TRIM8: variants seen among roughly 807,000 people sequenced by gnomAD.
The protein encoded by TRIM8 is tripartite motif containing 8.
A neutral mutation model predicts 55.7 loss-of-function variants in TRIM8; 9 were observed. The observed-to-expected ratio is 0.16, with a 90% CI of 0.10 to 0.28. The LOEUF is 0.28. Ranked by LOEUF, TRIM8 falls within the 10% of genes least tolerant of loss-of-function variation. TRIM8 has a pLI of 1.00. For missense variants in TRIM8, 556 were observed against 736.4 expected (o/e 0.76, Z 2.83); for synonymous variants, 335 against 333.3 (o/e 1.01, Z -0.06).
intron 1 of TRIM8, 101 bp from the exon 2 acceptor site, chr10:102,654,542 TGGTGCCATCG>T (rs1276169120): frequency 1.1e-6 from 1 of 877,126 alleles, no homozygotes; most frequent in African/African-American, 1.6e-5. Flanking sequence ...AGCAGAGGCT[TGGTGCCATCG>T]GGTCAAAGGA....
At chr10:102,649,514 C>T (rs2063963713) in intron 1 of TRIM8, among the ~76,000 whole-genome samples, 1 of 152,238 alleles carries the variant, frequency 6.6e-6, no homozygotes, top group Admixed American at 6.5e-5. Flanking sequence ...GGCTGGCCTC[C>T]TCCCTGGCTC....
intron 1 of TRIM8, among the ~76,000 whole-genome samples, chr10:102,646,689 G>T (rs1297344062): frequency 6.6e-6 from 1 of 152,168 alleles, no homozygotes; most frequent in Non-Finnish European, 1.5e-5. Flanking sequence ...TTCAGGGCAG[G>T]CACAGCCCAC....
At position 102,656,516 on chromosome 10, in the gene TRIM8, G is replaced by A; in HGVS notation, c.1048+131G>A. The A allele has an allele frequency of 7.0e-7, 1 of 1,418,612 alleles. No individual in the cohort carries two copies. The highest frequency in any genetic ancestry group is 2.5e-5 in the East Asian group (1 of 40,156). The allele number at this position is 1,418,612 out of a possible 1,614,324, so 87.9% of individuals were successfully genotyped here. Reference sequence around the variant, plus strand: ...TCCTCATATCCAGGCTTTGCCACTTGTAGCTGTGGGACAGTGGGTAAGCAA... The same window carrying A: ...TCCTCATATCCAGGCTTTGCCACTTATAGCTGTGGGACAGTGGGTAAGCAA... On this transcript the variant is annotated intron_variant, in intron 5 of 5. Coordinates refer to ENST00000643721, the MANE Select transcript of TRIM8 (RefSeq NM_030912.3). The surrounding 1 kb of genome is among the most constrained non-coding windows in gnomAD (Gnocchi z 4.6).
intron 1 of TRIM8, among the ~76,000 whole-genome samples, chr10:102,652,173 G>A (rs2063990805): frequency 6.6e-6 from 1 of 152,176 alleles, no homozygotes; most frequent in African/African-American, 2.4e-5. Flanking sequence ...CAGCTTATAA[G>A]GTGAAAGCCT....
In TRIM8 at chr10:102,654,654, A is replaced by G; in HGVS notation, c.572A>G (p.Lys191Arg). ...ACTCCCACCCAAATGTCCCTGCAGAAGATGCTCATGAAGCAGCAGGACCGG... is the reference window on the plus strand; with the variant it reads ...ACTCCCACCCAAATGTCCCTGCAGAGGATGCTCATGAAGCAGCAGGACCGG... Reference protein sequence around the residue: ...DVEIRRNEIRKMLMKQQDRLE... With the variant: ...DVEIRRNEIRRMLMKQQDRLE... The change falls in exon 2 of 6, where the codon AAG becomes AGG. Residue 191 changes from lysine (K) to arginine (R), a missense_variant and splice_region_variant. Lys to Arg is a conservative substitution (Grantham distance 26). Transcript: ENST00000643721. 6.2e-7 allele frequency: 1 copy of G among 1,613,490 alleles called. No homozygotes were observed. The highest frequency in any genetic ancestry group is 8.5e-7 in the Non-Finnish European group (1 of 1,179,398).
At chr10:102,655,709 A>G (rs1349467971) in intron 3 of TRIM8, among the ~76,000 whole-genome samples, 1 of 152,238 alleles carries the variant, frequency 6.6e-6, no homozygotes, top group Non-Finnish European at 1.5e-5. Flanking sequence ...TTGCTGTATT[A>G]GATTGTTGTG....
chr10:102,656,629 T>C lies in TRIM8; in HGVS notation c.1049-118T>C. 7.0e-7 allele frequency: 1 copy of C among 1,431,458 alleles called. No individual in the cohort carries two copies. The highest frequency in any genetic ancestry group is 1.4e-5 in the South Asian group (1 of 71,384). 88.7% of individuals were successfully genotyped at this position (1,431,458 alleles called of 1,614,324 possible). A position where few individuals can be genotyped will look rare whatever the true frequency, so the allele number is the denominator to read the frequency against. ...TAATGGTAGAGGAGCAAGCATCACC[T>C]GAGATGTAACATTCTTGGGCCTCTA... On this transcript the variant is annotated intron_variant, in intron 5 of 5. Transcript: ENST00000643721. This position sits in a 1 kb window ranked among gnomAD's most constrained non-coding sequence, Gnocchi z 4.6.
chr10:102,656,022 G>C lies in TRIM8; in HGVS notation c.901-84G>C. The C allele has an allele frequency of 6.2e-7, 1 of 1,603,132 alleles. No individual in the cohort carries two copies. The highest frequency in any genetic ancestry group is 2.2e-5 in the East Asian group (1 of 44,808). On this transcript the variant is annotated intron_variant, in intron 3 of 5. Transcript: ENST00000643721. This position sits in a 1 kb window ranked among gnomAD's most constrained non-coding sequence, Gnocchi z 4.6. ...CCACCCAGCCTGGGGGAGGCTCAGG[G>C]GGGGCAGCTTTTGTCTTCCCCTCTC...
intron 1 of TRIM8, among the ~76,000 whole-genome samples, chr10:102,647,656 T>C (rs1387696879): frequency 6.6e-6 from 1 of 152,182 alleles, no homozygotes; most frequent in Non-Finnish European, 1.5e-5. Flanking sequence ...GGAGGGAGTC[T>C]GCCTTAAAGG....
chr10:102,654,730 A>G lies in TRIM8; in HGVS notation c.648A>G (p.Ser216=). ...AGGACCAGCTGTACAAACTCGAGTC[A>G]GACAAGCGCCTGGTGGAGGTAGCTA... ...DIEDQLYKLE[S]DKRLVEEKVN... The change falls in exon 2 of 6, where the codon TCA becomes TCG. Residue 216 remains serine, a synonymous_variant. Transcript: ENST00000643721. 1.9e-6 allele frequency: 3 copies of G among 1,614,166 alleles called. No individual in the cohort carries two copies. Among genetic ancestry groups the G allele is most frequent in the Non-Finnish European group, 2.5e-6 (3 of 1,179,960 alleles).
Position 102,656,016 on chromosome 10 carries a change from C to A in TRIM8, c.901-90C>A. On this transcript the variant is annotated intron_variant, in intron 3 of 5. Transcript: ENST00000643721. The surrounding 1 kb of genome is among the most constrained non-coding windows in gnomAD (Gnocchi z 4.6). ...GAGGATCCACCCAGCCTGGGGGAGG[C>A]TCAGGGGGGGCAGCTTTTGTCTTCC... 6.3e-7 allele frequency: 1 copy of A among 1,596,910 alleles called. No individual in the cohort carries two copies.
At position 102,656,692 on chromosome 10, in the gene TRIM8, G is replaced by A; in HGVS notation, c.1049-55G>A. On this transcript the variant is annotated intron_variant, in intron 5 of 5. Coordinates refer to ENST00000643721, the MANE Select transcript of TRIM8 (RefSeq NM_030912.3). The surrounding 1 kb of genome is among the most constrained non-coding windows in gnomAD (Gnocchi z 4.6). ...CCCCAGGTCCAACCCAGGGAGAGGA[G>A]GCCTGGGTTGCTTGGGGTGGGAGCT... The A allele has an allele frequency of 6.6e-7, 1 of 1,505,952 alleles. No individual in the cohort carries two copies. The highest frequency in any genetic ancestry group is 1.4e-5 in the South Asian group (1 of 73,156). The allele number at this position is 1,505,952 out of a possible 1,614,324, so 93.3% of individuals were successfully genotyped here.
chr10:102,651,136 C>T (rs1322729547), intron 1 of TRIM8, among the ~76,000 whole-genome samples: 1 of 152,222 alleles, frequency 6.6e-6, no homozygotes, highest in Non-Finnish European at 1.5e-5. Flanking sequence ...ACCCCTGCAG[C>T]AGAGACAGGA....
At chr10:102,653,971 CTG>C (rs1564721297) in intron 1 of TRIM8, 1 of 152,304 alleles carries the variant, frequency 6.6e-6, no homozygotes, top group Non-Finnish European at 1.5e-5. Flanking sequence ...AGCTGTGTGA[CTG>C]TGGACAAATT....
At chr10:102,646,759 G>A (rs984787117) in intron 1 of TRIM8, among the ~76,000 whole-genome samples, 2 of 152,196 alleles carry the variant, frequency 1.3e-5, no homozygotes, top group African/African-American at 4.8e-5. Flanking sequence ...TGGGGGAGGA[G>A]GCCGGGAAAA....
intron 1 of TRIM8, among the ~76,000 whole-genome samples, chr10:102,650,961 A>G (rs1374127819): frequency 6.6e-6 from 1 of 152,126 alleles, no homozygotes; most frequent in African/African-American, 2.4e-5. Flanking sequence ...TCTTCCTTCC[A>G]GTTTCCCAGG....
rs1243012311 is a variant in TRIM8 at position 102,657,544 on chromosome 10, C to T, written c.*190C>T. On this transcript the variant is annotated 3_prime_UTR_variant, in exon 6 of 6. Coordinates refer to ENST00000643721, the MANE Select transcript of TRIM8 (RefSeq NM_030912.3). ...TTTGATTTTTTTTTATTATGAATCT[C>T]CTGGACGCAGAGGTGACAGTGGGAG... is the stretch of plus-strand genomic sequence containing the variant. 1.4e-6 allele frequency: 1 copy of T among 726,982 alleles called. No homozygotes were observed. Among genetic ancestry groups the T allele is most frequent in the Non-Finnish European group, 2.1e-6 (1 of 473,938 alleles). The allele number at this position is 726,982 out of a possible 1,614,324, so 45.0% of individuals were successfully genotyped here.
chr10:102,656,635 G>A lies in TRIM8; in HGVS notation c.1049-112G>A, dbSNP rs1203068278. ...TAGAGGAGCAAGCATCACCTGAGATGTAACATTCTTGGGCCTCTAGGTGTC... is the reference window on the plus strand; with the variant it reads ...TAGAGGAGCAAGCATCACCTGAGATATAACATTCTTGGGCCTCTAGGTGTC... On this transcript the variant is annotated intron_variant, in intron 5 of 5. Coordinates refer to ENST00000643721, the MANE Select transcript of TRIM8 (RefSeq NM_030912.3). The surrounding 1 kb of genome is among the most constrained non-coding windows in gnomAD (Gnocchi z 4.6). 2.0e-6 allele frequency: 3 copies of A among 1,465,620 alleles called. No homozygotes were observed. Among genetic ancestry groups the A allele is most frequent in the Non-Finnish European group, 2.7e-6 (3 of 1,093,464 alleles). 90.8% of individuals were successfully genotyped at this position (1,465,620 alleles called of 1,614,324 possible).
chr10:102,656,231 A>C lies in TRIM8; in HGVS notation c.933-39A>C. The C allele has an allele frequency of 6.2e-7, 1 of 1,614,046 alleles. No homozygotes were observed. The highest frequency in any genetic ancestry group is 1.1e-5 in the South Asian group (1 of 91,086). On this transcript the variant is annotated intron_variant, in intron 4 of 5. Transcript: ENST00000643721. The surrounding 1 kb of genome is among the most constrained non-coding windows in gnomAD (Gnocchi z 4.6). ...GGGAGGTAGGGCGGGCTCACCGGTG[A>C]TGCCTCCTCACAGCAGATGCCCCGT...
Sources: gnomAD v4.1 joint callset for allele counts (sites outside exome capture counted in the v4.1 genomes callset) on GRCh38, gnomAD v4.1.1 for gene constraint, Gnocchi (gnomAD v3.1) non-coding constraint, MANE v1.5 for transcripts, NCBI Gene and HGNC (gene_info 2026-07-23, HGNC 2026-07-21) for gene names.